HS6ST3: variants seen among roughly 807,000 people sequenced by gnomAD.
The protein encoded by HS6ST3 is heparan-sulfate 6-O-sulfotransferase 3.
Under a neutral mutation model 36.7 loss-of-function variants are expected in HS6ST3, and 12 were observed. The ratio of observed to expected loss-of-function variants is 0.33; its 90% CI spans 0.21 to 0.53. The LOEUF (loss-of-function observed/expected upper bound fraction) is 0.53, where lower values mean the gene tolerates loss of function less well. Ranked by LOEUF, HS6ST3 falls within the 20% of genes least tolerant of loss-of-function variation. The pLI is 0.95. For missense variants in HS6ST3, 584 were observed against 640.9 expected (o/e 0.91, Z 0.96); for synonymous variants, 240 against 257.5 (o/e 0.93, Z 0.65).
At chr13:96,558,515 A>G (rs1376517777) in intron 1 of HS6ST3, among the ~76,000 whole-genome samples, 1 of 152,214 alleles carries the variant, frequency 6.6e-6, no homozygotes, top group Non-Finnish European at 1.5e-5. Flanking sequence ...AACCATTTAT[A>G]GATTCATTTA....
intron 1 of HS6ST3, among the ~76,000 whole-genome samples, chr13:96,358,289 A>G (rs1321208596): frequency 1.4e-5 from 2 of 141,538 alleles, no homozygotes; most frequent in Non-Finnish European, 3.0e-5. Context: ...GGGGCATACT[A>G]TCTCATCACA....
chr13:96,264,957 T>G (rs1256308540), intron 1 of HS6ST3, among the ~76,000 whole-genome samples: 1 of 152,156 alleles, frequency 6.6e-6, no homozygotes, highest in Non-Finnish European at 1.5e-5. Flanking sequence ...AACCCCTGTG[T>G]ATCAAATTCC....
chr13:96,271,091 A>G (rs1052042762), intron 1 of HS6ST3, among the ~76,000 whole-genome samples: 4 of 151,860 alleles, frequency 2.6e-5, no homozygotes, highest in Non-Finnish European at 4.4e-5. Flanking sequence ...AGCTGGCTCT[A>G]TGGGGGGAAG....
Position 96,197,347 on chromosome 13 carries a change from G to A in HS6ST3, c.707+105778G>A, listed in dbSNP as rs1288891947. ...ACTATCGTGAGAATAGCACAGGAAA[G>A]ACAGGCCCCCATGATGCAGTTACCT... On this transcript the variant is annotated intron_variant, in intron 1 of 1. Coordinates refer to ENST00000376705, the MANE Select transcript of HS6ST3 (RefSeq NM_153456.4). Among the ~76,000 whole-genome samples, 3 of 152,166 alleles carry A rather than the reference G, an allele frequency of 2.0e-5. No homozygotes were observed. In the South Asian group the frequency reaches 6.2e-4, roughly 31 times the overall value.
At chr13:96,300,356 C>T (rs1490317920) in intron 1 of HS6ST3, among the ~76,000 whole-genome samples, 2 of 151,900 alleles carry the variant, frequency 1.3e-5, no homozygotes, top group Non-Finnish European at 2.9e-5. Context: ...CACACCTGGC[C>T]GTGGTACACA....
At chr13:96,762,110 CA>C (rs1876986073) in intron 1 of HS6ST3, among the ~76,000 whole-genome samples, 1 of 152,030 alleles carries the variant, frequency 6.6e-6, no homozygotes, top group Non-Finnish European at 1.5e-5. Context: ...TTAGAACTTA[CA>C]TTGCTTGCAA....
At chr13:96,713,678 C>G (rs1875623073) in intron 1 of HS6ST3, among the ~76,000 whole-genome samples, 1 of 151,984 alleles carries the variant, frequency 6.6e-6, no homozygotes, top group Non-Finnish European at 1.5e-5. Flanking sequence ...TAGAAGCAGC[C>G]AGACATGGTT....
At chr13:96,122,110 GTAT>G (rs55776008) in intron 1 of HS6ST3, among the ~76,000 whole-genome samples, 70 of 145,162 alleles carry the variant, frequency 4.8e-4, no homozygotes, top group East Asian at 1.6e-3. Flanking sequence ...ACCCTTTCAG[GTAT>G]TATTATTATT....
At chr13:96,800,095 T>A (rs2138527387) in intron 1 of HS6ST3, among the ~76,000 whole-genome samples, 1 of 148,772 alleles carries the variant, frequency 6.7e-6, no homozygotes, top group African/African-American at 2.5e-5. Context: ...ATAGCCCTTG[T>A]TACTCTTGGG....
At chr13:96,604,864 G>T (rs959225702) in intron 1 of HS6ST3, among the ~76,000 whole-genome samples, 2 of 152,114 alleles carry the variant, frequency 1.3e-5, no homozygotes, top group Non-Finnish European at 2.9e-5. Flanking sequence ...TAAGGTTCAC[G>T]TGTCTGGGAG....
chr13:96,632,319 T>TC (rs2056534708), intron 1 of HS6ST3, among the ~76,000 whole-genome samples: 1 of 150,732 alleles, frequency 6.6e-6, no homozygotes, highest in Non-Finnish European at 1.5e-5. Context: ...GTGTTTTTTT[T>TC]TGTTTGTTTG....
intron 1 of HS6ST3, among the ~76,000 whole-genome samples, chr13:96,350,472 G>A (rs1035069754): frequency 6.6e-6 from 1 of 152,210 alleles, no homozygotes; most frequent in Non-Finnish European, 1.5e-5. Context: ...GCATAGAAAA[G>A]GGTCTTCTCA....
chr13:96,646,203 T>C (rs1325327353), intron 1 of HS6ST3, among the ~76,000 whole-genome samples: 2 of 152,034 alleles, frequency 1.3e-5, no homozygotes, highest in Non-Finnish European at 2.9e-5. Context: ...GTCTCCAATT[T>C]ATTGGATGCA....
intron 1 of HS6ST3, among the ~76,000 whole-genome samples, chr13:96,556,035 G>A (rs760143795): frequency 2.6e-5 from 4 of 152,100 alleles, no homozygotes; most frequent in Non-Finnish European, 4.4e-5. Context: ...TTGATCTCCC[G>A]TGCATATGAA....
At chr13:96,365,833 C>T (rs1032813355) in intron 1 of HS6ST3, among the ~76,000 whole-genome samples, 7 of 152,016 alleles carry the variant, frequency 4.6e-5, no homozygotes, top group Admixed American at 3.9e-4. Flanking sequence ...GGAAAAAAAT[C>T]GAGATTTTTG....
At chr13:96,222,130 C>A (rs1005160997) in intron 1 of HS6ST3, among the ~76,000 whole-genome samples, 15 of 152,108 alleles carry the variant, frequency 9.9e-5, no homozygotes, top group African/African-American at 2.4e-5. Context: ...AAACATCAAT[C>A]AAATTCTTTA....
chr13:96,564,850 CTAA>C (rs2056275236), intron 1 of HS6ST3, among the ~76,000 whole-genome samples: 1 of 152,162 alleles, frequency 6.6e-6, no homozygotes, highest in Non-Finnish European at 1.5e-5. Flanking sequence ...AAATTTCCTA[CTAA>C]ATCCATGAGA....
At chr13:96,723,431 G>T (rs1412265695) in intron 1 of HS6ST3, among the ~76,000 whole-genome samples, 1 of 152,144 alleles carries the variant, frequency 6.6e-6, no homozygotes, top group Non-Finnish European at 1.5e-5. Flanking sequence ...TGACCTCCCA[G>T]CCCTGCACTG....
intron 1 of HS6ST3, among the ~76,000 whole-genome samples, chr13:96,464,043 T>TTA (rs1491265305): frequency 2.0e-5 from 2 of 100,164 alleles, no homozygotes; most frequent in African/African-American, 7.9e-5. Flanking sequence ...TTTTTTTTTT[T>TTA]AAATAAACAC....
Sources: allele counts gnomAD v4.1 joint callset (sites outside exome capture counted in the v4.1 genomes callset), GRCh38; gene constraint gnomAD v4.1.1; transcripts MANE v1.5; gene names NCBI Gene and HGNC (gene_info 2026-07-23, HGNC 2026-07-21).